The following CALN1 variants were observed in gnomAD, a reference collection of about 807,000 sequenced individuals.
The protein encoded by CALN1 is calcium-binding protein 8.
A neutral mutation model predicts 30.6 loss-of-function variants in CALN1; 17 were observed. The observed-to-expected ratio is 0.56, with a 90% CI of 0.38 to 0.83. The LOEUF is 0.83. Among genes scored for constraint, CALN1 ranks in the 40% least tolerant of loss-of-function variants. The pLI is 0.00. For missense variants in CALN1, 291 were observed against 354.9 expected, an observed-to-expected ratio of 0.82 and a Z score of 1.45; for synonymous variants, 156 against 131.4, an observed-to-expected ratio of 1.19 and a Z score of -1.28.
chr7:72,117,039 G>A (rs971581729), intron 3 of CALN1, among the ~76,000 whole-genome samples: 2 of 152,150 alleles, frequency 1.3e-5, no homozygotes, highest in Admixed American at 6.5e-5. Context: ...GAGGCTGAGT[G>A]CAGCAGCTCA....
At chr7:72,041,164 C>T (rs1802100365) in intron 4 of CALN1, among the ~76,000 whole-genome samples, 1 of 152,022 alleles carries the variant, frequency 6.6e-6, no homozygotes, top group African/African-American at 2.4e-5. Context: ...ACAATGGGAA[C>T]AAAATAGTCT....
chr7:72,005,293 A>C (rs1799711194), intron 5 of CALN1, among the ~76,000 whole-genome samples: 1 of 152,206 alleles, frequency 6.6e-6, no homozygotes, highest in Admixed American at 6.5e-5. Flanking sequence ...GAAACAGTTC[A>C]TCCTGTAAAA....
intron 4 of CALN1, among the ~76,000 whole-genome samples, chr7:72,078,300 T>C (rs1239575837): frequency 6.6e-6 from 1 of 152,000 alleles, no homozygotes; most frequent in Non-Finnish European, 1.5e-5. Context: ...CAAAAACACA[T>C]ACGACGATCC....
chr7:71,959,936 T>A (rs916052437), intron 5 of CALN1, among the ~76,000 whole-genome samples: 8 of 151,768 alleles, frequency 5.3e-5, no homozygotes, highest in African/African-American at 1.9e-4. Context: ...GAGTTTGAGA[T>A]CAGTCTGGTC....
intron 5 of CALN1, among the ~76,000 whole-genome samples, chr7:72,001,374 G>A (rs1799520729): frequency 6.6e-6 from 1 of 152,206 alleles, no homozygotes. Context: ...GAGTTTAACA[G>A]GTGCATGACC....
chr7:72,214,475 T>C (rs944359222), intron 3 of CALN1, among the ~76,000 whole-genome samples: 5 of 151,412 alleles, frequency 3.3e-5, no homozygotes, highest in Admixed American at 6.6e-5. Context: ...CAGGACTCCA[T>C]CTCAGAAAAA....
At chr7:72,418,624 CGGCTCACATAG>C (rs1246898322) in intron 1 of CALN1, among the ~76,000 whole-genome samples, 1 of 152,058 alleles carries the variant, frequency 6.6e-6, no homozygotes, top group African/African-American at 2.4e-5. Context: ...TTCCCCGCCC[CGGCTCACATAG>C]GGCTCCTGGA....
chr7:71,848,536 T>A (rs955963001), intron 5 of CALN1, among the ~76,000 whole-genome samples: 1 of 152,192 alleles, frequency 6.6e-6, no homozygotes, highest in Non-Finnish European at 1.5e-5. Flanking sequence ...AGGGATACTT[T>A]GTAAACATAC....
At chr7:72,278,077 A>C (rs1430694682) in intron 3 of CALN1, among the ~76,000 whole-genome samples, 2 of 151,226 alleles carry the variant, frequency 1.3e-5, no homozygotes, top group African/African-American at 4.9e-5. Flanking sequence ...AATGAGACAC[A>C]GTCCTAGGAT....
rs539238327 is a variant in CALN1, at chr7:71,843,501, G to T, written c.502-33009C>A. Among the ~76,000 whole-genome samples the T allele has an allele frequency of 2.0e-5, 3 of 152,170 alleles. No homozygotes were observed. In the South Asian group the frequency reaches 6.2e-4, roughly 32 times the overall value. Reference sequence around the variant, plus strand: ...AGCCAGGCATGGTAGTGTGCACCTGGAGTCACAGCTACTTGAAAGGCTGCA... The same window carrying T: ...AGCCAGGCATGGTAGTGTGCACCTGTAGTCACAGCTACTTGAAAGGCTGCA... On this transcript the variant is annotated intron_variant, in intron 5 of 6. Coordinates refer to ENST00000395275, the MANE Select transcript of CALN1 (RefSeq NM_031468.4).
intron 2 of CALN1, among the ~76,000 whole-genome samples, chr7:72,349,368 A>G (rs564511303): frequency 2.6e-5 from 4 of 151,912 alleles, no homozygotes; most frequent in Non-Finnish European, 5.9e-5. Context: ...ATAGTGGCTA[A>G]TATTTCCCAA....
chr7:72,148,422 AAAAAAAAGAAAAAAG>A (rs1201136634), intron 3 of CALN1, among the ~76,000 whole-genome samples: 19 of 92,284 alleles, frequency 2.1e-4, no homozygotes, highest in Non-Finnish European at 3.7e-4. Context: ...TAAAAAAAAG[AAAAAAAAGAAAAAAG>A]AAAAAAAGAA....
chr7:72,034,370 AG>A (rs1229678145), intron 4 of CALN1, among the ~76,000 whole-genome samples: 1 of 149,726 alleles, frequency 6.7e-6, no homozygotes, highest in African/African-American at 2.4e-5. Context: ...AAAAAAAAAA[AG>A]AAAAGAAAAG....
rs1353662928 is a variant in CALN1, at chr7:71,875,062, G to T, written c.502-64570C>A. Among the ~76,000 whole-genome samples the T allele has an allele frequency of 4.0e-5, 6 of 151,786 alleles. No homozygotes were observed. The East Asian group carries it at 9.7e-4, about 24-fold the overall frequency. ...TGCTTATAATCCCAGATCCTCAGGG[G>T]GCTGAAGCACCAGAATCACTTGAGC... On this transcript the variant is annotated intron_variant, in intron 5 of 6. Transcript: ENST00000395275.
Position 72,168,909 on chromosome 7 carries a change from G to A in CALN1, c.245-62615C>T, listed in dbSNP as rs548233581. 8.6e-5 allele frequency among the ~76,000 whole-genome samples: 13 copies of A among 150,406 alleles called. No individual in the cohort carries two copies. In the South Asian group the frequency reaches 2.1e-3, roughly 24 times the overall value. The stretch of plus-strand genomic sequence containing the variant: ...CAACCTCCGCCTCCCAGGTTCAAGC[G>A]ATTCTCCTGCCTCAGCCTCCCGAGT... On this transcript the variant is annotated intron_variant, in intron 3 of 6. Transcript: ENST00000395275.
chr7:72,140,100 G>A (rs1319297612), intron 3 of CALN1, among the ~76,000 whole-genome samples: 2 of 151,812 alleles, frequency 1.3e-5, no homozygotes, highest in Non-Finnish European at 2.9e-5. Context: ...GTAACACCCT[G>A]TCTCTGCAAT....
chr7:72,403,938 G>A (rs1806525628), intron 1 of CALN1, among the ~76,000 whole-genome samples: 1 of 152,146 alleles, frequency 6.6e-6, no homozygotes, highest in Non-Finnish European at 1.5e-5. Context: ...CGCAATCCCA[G>A]GGCAATACCC....
intron 3 of CALN1, among the ~76,000 whole-genome samples, chr7:72,111,659 G>A (rs1209610337): frequency 1.3e-5 from 2 of 151,960 alleles, no homozygotes; most frequent in Admixed American, 1.3e-4. Context: ...TGTTGCCCAG[G>A]CTGGTCTCAA....
At chr7:72,147,012 AC>A (rs1563097506) in intron 3 of CALN1, among the ~76,000 whole-genome samples, 1 of 152,182 alleles carries the variant, frequency 6.6e-6, no homozygotes, top group Admixed American at 6.5e-5. Context: ...AACCATAAAA[AC>A]CCTAGAAGAA....
Sources: gnomAD v4.1 joint callset for allele counts (sites outside exome capture counted in the v4.1 genomes callset) on GRCh38, gnomAD v4.1.1 for gene constraint, MANE v1.5 for transcripts, NCBI Gene and HGNC (gene_info 2026-07-23, HGNC 2026-07-21) for gene names.